The following KLHL29 variants were observed in gnomAD, a reference collection of about 807,000 sequenced individuals.
KLHL29 encodes the protein kelch-like protein 29.
In KLHL29, 21 loss-of-function variants were observed where a neutral mutation model predicts 80.4. That is an observed-to-expected ratio of 0.26 (90% CI 0.19 to 0.38). KLHL29 has a LOEUF of 0.38. KLHL29 is among the 10% of genes least tolerant of loss of function. The probability of loss-of-function intolerance (pLI) is 1.00; values close to 1 mark genes in which losing one functional copy is unlikely to be tolerated. For synonymous variants in KLHL29, 511 were observed against 526.8 expected (o/e 0.97, Z 0.41); for missense variants, 867 against 1,223.9 (o/e 0.71, Z 4.35).
rs73921832 is a variant in KLHL29, at chr2:23,479,550, C to T, written c.-46+3883C>T. ...CTTGGCTCCCTGTATCCCCAGCCCT[C>T]CCTCCACTCCCTCTGCTTCAGCTGT... On this transcript the variant is annotated intron_variant, in intron 2 of 13. Coordinates refer to ENST00000486442, the MANE Select transcript of KLHL29 (RefSeq NM_052920.2). 2.1e-3 allele frequency among the ~76,000 whole-genome samples: 315 copies of T among 152,266 alleles called. 2 individuals carry two copies. The highest frequency in any genetic ancestry group is 7.0e-3 in the African/African-American group (293 of 41,564).
At chr2:23,471,989 C>T (rs1315941007) in intron 1 of KLHL29, among the ~76,000 whole-genome samples, 2 of 152,072 alleles carry the variant, frequency 1.3e-5, no homozygotes, top group African/African-American at 4.8e-5. Flanking sequence ...TGCTTAGGTG[C>T]ATGGATGTAG....
intron 3 of KLHL29, among the ~76,000 whole-genome samples, chr2:23,628,537 A>G (rs1669382041): frequency 6.6e-6 from 1 of 152,108 alleles, no homozygotes; most frequent in African/African-American, 2.4e-5. Flanking sequence ...CTGTAATCCC[A>G]GTGTTTTGGG....
intron 2 of KLHL29, among the ~76,000 whole-genome samples, chr2:23,547,765 C>A (rs1043644098): frequency 6.6e-6 from 1 of 152,002 alleles, no homozygotes; most frequent in African/African-American, 2.4e-5. Context: ...TTGCTACTTA[C>A]ATCCTGCTGA....
At chr2:23,390,395 G>T (rs1185670596) in intron 1 of KLHL29, among the ~76,000 whole-genome samples, 1 of 152,138 alleles carries the variant, frequency 6.6e-6, no homozygotes, top group Non-Finnish European at 1.5e-5. Context: ...TCTAGCGTGC[G>T]CAAAGACGAC....
intron 3 of KLHL29, among the ~76,000 whole-genome samples, chr2:23,623,802 G>T (rs1669243636): frequency 6.6e-6 from 1 of 152,226 alleles, no homozygotes; most frequent in African/African-American, 2.4e-5. Context: ...CGGGAGTAGG[G>T]TTGTACAGCG....
At chr2:23,512,077 G>T (rs1374180544) in intron 2 of KLHL29, among the ~76,000 whole-genome samples, 1 of 152,210 alleles carries the variant, frequency 6.6e-6, no homozygotes, top group Non-Finnish European at 1.5e-5. Context: ...CTTTGGAACT[G>T]CACTTCCACT....
intron 1 of KLHL29, among the ~76,000 whole-genome samples, chr2:23,469,784 C>T: frequency 6.6e-6 from 1 of 152,206 alleles, no homozygotes; most frequent in Admixed American, 6.5e-5. Flanking sequence ...CTGCCGACAT[C>T]TTCAGTGCTG....
intron 3 of KLHL29, among the ~76,000 whole-genome samples, chr2:23,628,450 C>T (rs1163362802): frequency 6.6e-6 from 1 of 152,094 alleles, no homozygotes; most frequent in African/African-American, 2.4e-5. Context: ...CCCCTGGGGT[C>T]GTTGGGAGTC....
At chr2:23,660,294 C>A (rs893201815) in intron 5 of KLHL29, among the ~76,000 whole-genome samples, 2 of 152,226 alleles carry the variant, frequency 1.3e-5, no homozygotes, top group African/African-American at 2.4e-5. Flanking sequence ...CTTAGGTCAC[C>A]TCAGCTCCCT....
At chr2:23,505,874 A>G (rs530702321) in intron 2 of KLHL29, among the ~76,000 whole-genome samples, 99 of 152,274 alleles carry the variant, frequency 6.5e-4, no homozygotes, top group African/African-American at 2.4e-3. Flanking sequence ...GGTTCAGAGG[A>G]CACCTGACCC....
chr2:23,411,379 T>TTGTGTGTGTG (rs56103621), intron 1 of KLHL29, among the ~76,000 whole-genome samples: 2,528 of 108,938 alleles, frequency 0.023, 61 homozygotes, highest in African/African-American at 0.049. Context: ...GTTGCAAAAA[T>TTGTGTGTGTG]TGTGTGTGTG....
chr2:23,515,107 C>T (rs114715841), intron 2 of KLHL29, among the ~76,000 whole-genome samples: 2,256 of 152,284 alleles, frequency 0.015, 53 homozygotes, highest in African/African-American at 0.051. Flanking sequence ...GATAGTTAAC[C>T]ACCAACTCTA....
intron 3 of KLHL29, among the ~76,000 whole-genome samples, chr2:23,610,199 G>A (rs778787424): frequency 3.9e-5 from 6 of 152,258 alleles, no homozygotes; most frequent in Non-Finnish European, 5.9e-5. Flanking sequence ...GGGATGGGGC[G>A]ATACTGCTGC....
At position 23,567,810 on chromosome 2, in the gene KLHL29, C is replaced by T. The variant is rs191536965; in HGVS notation, c.285+5329C>T. ...GGAGAATCATTCAAGCCCCTTTCAC[C>T]GTGAATTTCCAGACTGCAAGTGATT... On this transcript the variant is annotated intron_variant, in intron 3 of 13. Transcript: ENST00000486442. 2.6e-5 allele frequency among the ~76,000 whole-genome samples: 4 copies of T among 152,326 alleles called. No individual in the cohort carries two copies. In the East Asian group the frequency reaches 5.8e-4, roughly 22 times the overall value.
chr2:23,527,536 A>C (rs1666364008), intron 2 of KLHL29, among the ~76,000 whole-genome samples: 1 of 152,016 alleles, frequency 6.6e-6, no homozygotes, highest in African/African-American at 2.4e-5. Context: ...AGCAGAACTT[A>C]GAGGCTGTGA....
intron 3 of KLHL29, among the ~76,000 whole-genome samples, chr2:23,605,107 CTTTTTTT>C (rs386389703): frequency 1.1e-5 from 1 of 92,478 alleles, no homozygotes; most frequent in Admixed American, 1.2e-4. Flanking sequence ...TCCTTTGTTG[CTTTTTTT>C]TTTTTTTTTT....
intron 1 of KLHL29, among the ~76,000 whole-genome samples, chr2:23,416,730 T>C (rs1666988847): frequency 6.6e-6 from 1 of 152,230 alleles, no homozygotes; most frequent in African/African-American, 2.4e-5. Flanking sequence ...TAAATAAACA[T>C]GGTGGCCTTC....
chr2:23,427,496 A>G (rs1663035054), intron 1 of KLHL29, among the ~76,000 whole-genome samples: 1 of 152,216 alleles, frequency 6.6e-6, no homozygotes, highest in Non-Finnish European at 1.5e-5. Context: ...TGAGGCTCAG[A>G]GGGGTGGCGT....
chr2:23,583,018 C>T (rs371069135), intron 3 of KLHL29, among the ~76,000 whole-genome samples: 1 of 152,142 alleles, frequency 6.6e-6, no homozygotes, highest in Non-Finnish European at 1.5e-5. Context: ...GAGAAGGCCA[C>T]GTGAAGACGG....
Sources: gnomAD v4.1 joint callset for allele counts (sites outside exome capture counted in the v4.1 genomes callset) on GRCh38, gnomAD v4.1.1 for gene constraint, MANE v1.5 for transcripts, NCBI Gene and HGNC (gene_info 2026-07-23, HGNC 2026-07-21) for gene names.